The following RANBP2 variants were observed in gnomAD, a reference collection of about 807,000 sequenced individuals.
The protein encoded by RANBP2 is E3 SUMO-protein ligase RanBP2.
Under a neutral mutation model 303.6 loss-of-function variants are expected in RANBP2, and 57 were observed. That is an observed-to-expected ratio of 0.19 (90% CI 0.15 to 0.23). The LOEUF is 0.23. Ranked by LOEUF, RANBP2 falls within the 10% of genes least tolerant of loss-of-function variation. RANBP2 has a pLI of 1.00. For missense variants in RANBP2, 3,138 were observed against 3,780.8 expected (o/e 0.83, Z 4.46); for synonymous variants, 1,167 against 1,301.5 (o/e 0.90, Z 2.23).
At chr2:109,687,567 G>C in the RANBP2 span, among the ~76,000 whole-genome samples, 2 of 152,054 alleles carry the variant, frequency 1.3e-5, no homozygotes, top group African/African-American at 4.8e-5. Flanking sequence ...CCAGCTGTGG[G>C]AAACCTGGCT....
At chr2:108,818,513 TATA>T in the RANBP2 span, among the ~76,000 whole-genome samples, 1 of 152,182 alleles carries the variant, frequency 6.6e-6, no homozygotes, top group Non-Finnish European at 1.5e-5. Flanking sequence ...TTAATTACTA[TATA>T]ATAATAAAGG....
rs202053902 is a variant in RANBP2, at chr2:108,768,108, C to A, written c.7569C>A (p.Ser2523Arg). Residue 2523 changes from serine to arginine, a missense_variant, in exon 20 of 29, where the codon AGC becomes AGA. Ser to Arg is a moderately radical substitution (Grantham distance 110). Coordinates refer to ENST00000283195, the MANE Select transcript of RANBP2 (RefSeq NM_006267.5). ...KFVFGSESVK[S>R]IFSSEKSKPF... The stretch of plus-strand genomic sequence containing the variant: ...TATTTGGTTCAGAGTCTGTTAAAAG[C>A]ATTTTTAGTAGTGAAAAATCAAAAC... The A allele has an allele frequency of 1.9e-6, 3 of 1,612,014 alleles. No individual in the cohort carries two copies. Among genetic ancestry groups the A allele is most frequent in the Non-Finnish European group, 2.5e-6 (3 of 1,179,852 alleles).
the RANBP2 span, among the ~76,000 whole-genome samples, chr2:109,070,853 C>T: frequency 1.4e-5 from 1 of 69,454 alleles, no homozygotes; most frequent in East Asian, 5.0e-4. Flanking sequence ...AAGCCAGACC[C>T]TATCTAAAAA....
the RANBP2 span, among the ~76,000 whole-genome samples, chr2:109,428,996 ACT>A: frequency 6.6e-6 from 1 of 152,038 alleles, no homozygotes; most frequent in Non-Finnish European, 1.5e-5. Flanking sequence ...CAGCCAGGAG[ACT>A]CTGAACTGGC....
chr2:108,810,848 A>G, the RANBP2 span, among the ~76,000 whole-genome samples: 2 of 152,324 alleles, frequency 1.3e-5, no homozygotes, highest in African/African-American at 4.8e-5. Flanking sequence ...TTTTACTACA[A>G]TTCAATCTTG....
chr2:109,145,213 G>C, the RANBP2 span, among the ~76,000 whole-genome samples: 6,285 of 152,138 alleles, frequency 0.041, 441 homozygotes, highest in African/African-American at 0.14. Flanking sequence ...CCGTGTCCTG[G>C]CTGGGTCCTT....
the RANBP2 span, chr2:108,908,074 A>G: frequency 6.5e-7 from 1 of 1,541,330 alleles, no homozygotes; most frequent in East Asian, 2.3e-5. Context: ...TGCAGCCCTG[A>G]CAAGTTCTCC....
chr2:109,433,985 A>C, the RANBP2 span, among the ~76,000 whole-genome samples: 1 of 152,148 alleles, frequency 6.6e-6, no homozygotes, highest in Admixed American at 6.5e-5. Flanking sequence ...TGACTTGCCC[A>C]GTGTGCGCAG....
At chr2:108,881,691 T>C in the RANBP2 span, among the ~76,000 whole-genome samples, 755 of 152,278 alleles carry the variant, frequency 5.0e-3, 8 homozygotes, top group African/African-American at 0.017. Flanking sequence ...CTAATTTCAG[T>C]ATTGTTATGT....
At chr2:109,304,867 A>G in the RANBP2 span, among the ~76,000 whole-genome samples, 5 of 152,184 alleles carry the variant, frequency 3.3e-5, no homozygotes. Flanking sequence ...TCAGAGAGCC[A>G]CCTTAGAAGA....
At chr2:109,498,229 G>A in the RANBP2 span, among the ~76,000 whole-genome samples, 249 of 152,262 alleles carry the variant, frequency 1.6e-3, no homozygotes, top group Non-Finnish European at 2.8e-3. Flanking sequence ...TCCAACCATC[G>A]TGCACCCGTA....
chr2:108,906,335 A>T, the RANBP2 span: 1 of 1,614,160 alleles, frequency 6.2e-7, no homozygotes, highest in East Asian at 2.2e-5. Flanking sequence ...ACGTTGGCAT[A>T]CACATCGAGG....
At chr2:109,461,021 C>CT in the RANBP2 span, among the ~76,000 whole-genome samples, 2 of 152,240 alleles carry the variant, frequency 1.3e-5, no homozygotes, top group Non-Finnish European at 2.9e-5. Flanking sequence ...TCCTATGGAA[C>CT]TGCCCAGGAG....
At chr2:109,101,527 C>CA in the RANBP2 span, among the ~76,000 whole-genome samples, 5 of 151,866 alleles carry the variant, frequency 3.3e-5, no homozygotes, top group East Asian at 1.9e-4. Context: ...GACTCTGTCT[C>CA]AAAAAAACAA....
chr2:109,154,527 T>C, the RANBP2 span, among the ~76,000 whole-genome samples: 1 of 152,102 alleles, frequency 6.6e-6, no homozygotes, highest in Non-Finnish European at 1.5e-5. Flanking sequence ...TCTTCACTGG[T>C]GAAGAAACCA....
At chr2:109,545,599 C>A in the RANBP2 span, 2 of 1,532,964 alleles carry the variant, frequency 1.3e-6, no homozygotes, top group Non-Finnish European at 1.7e-6. Flanking sequence ...TTCTAAAAAA[C>A]TGAACCTAAG....
chr2:109,437,635 G>A, the RANBP2 span, among the ~76,000 whole-genome samples: 5 of 152,160 alleles, frequency 3.3e-5, no homozygotes, highest in African/African-American at 4.8e-5. Context: ...GGTGAGACTC[G>A]GGCCCAGGCT....
the RANBP2 span, chr2:109,565,967 A>C: frequency 2.0e-6 from 2 of 1,004,582 alleles, no homozygotes; most frequent in Non-Finnish European, 3.1e-6. Context: ...AACCTATTAA[A>C]ATCGAATGGT....
At chr2:108,796,611 A>T in the RANBP2 span, among the ~76,000 whole-genome samples, 2 of 152,250 alleles carry the variant, frequency 1.3e-5, no homozygotes, top group African/African-American at 4.8e-5. Flanking sequence ...AAAATGTGGT[A>T]TCTATACACA....
Sources: allele counts gnomAD v4.1 joint callset (sites outside exome capture counted in the v4.1 genomes callset), GRCh38; gene constraint gnomAD v4.1.1; transcripts MANE v1.5; gene names NCBI Gene and HGNC (gene_info 2026-07-23, HGNC 2026-07-21).